Variants in WDPCP observed in about 807,000 individuals in gnomAD.
WDPCP encodes WD repeat-containing and planar cell polarity effector protein fritz homolog.
WDPCP carries 71 observed loss-of-function variants against 93.1 expected under a neutral mutation model. The ratio of observed to expected loss-of-function variants is 0.76; its 90% CI spans 0.63 to 0.93. WDPCP has a LOEUF of 0.93. Among genes scored for constraint, WDPCP ranks in the 40% least tolerant of loss-of-function variants. The pLI is 0.00. For synonymous variants in WDPCP, 315 were observed against 315.0 expected, an observed-to-expected ratio of 1.00 and a Z score of 0.00; for missense variants, 844 against 887.4, an observed-to-expected ratio of 0.95 and a Z score of 0.62.
At chr2:63,687,818 A>C (rs546634434) in intron 2 of WDPCP, among the ~76,000 whole-genome samples, 8 of 152,360 alleles carry the variant, frequency 5.3e-5, no homozygotes, top group African/African-American at 1.9e-4. Context: ...TCTATGATCC[A>C]GCAATCCCAC....
At chr2:63,254,114 G>A (rs1680950884) in intron 14 of WDPCP, among the ~76,000 whole-genome samples, 2 of 152,128 alleles carry the variant, frequency 1.3e-5, no homozygotes, top group Admixed American at 6.5e-5. Context: ...ATTACTGTAA[G>A]TGAATTAACT....
chr2:63,168,507 C>A (rs922058150), intron 15 of WDPCP: 4 of 152,278 alleles, frequency 2.6e-5, no homozygotes, highest in Middle Eastern at 3.4e-3. Flanking sequence ...AGTCCATTTA[C>A]ATCAATTGAT....
At chr2:63,439,984 C>T in intron 6 of WDPCP, 113 bp from the exon 7 acceptor site, 2 of 739,814 alleles carry the variant, frequency 2.7e-6, no homozygotes, top group Non-Finnish European at 2.4e-6. Context: ...CATGCATCTA[C>T]ACTACAAAAT....
At chr2:63,765,924 G>C (rs557866491) in intron 2 of WDPCP, among the ~76,000 whole-genome samples, 20 of 152,328 alleles carry the variant, frequency 1.3e-4, no homozygotes, top group Admixed American at 3.9e-4. Context: ...ACATCTCTCA[G>C]TCACATCAGG....
At chr2:63,349,578 T>G (rs1689436656) in intron 12 of WDPCP, among the ~76,000 whole-genome samples, 1 of 152,150 alleles carries the variant, frequency 6.6e-6, no homozygotes, top group African/African-American at 2.4e-5. Flanking sequence ...ATTAATCAAT[T>G]AATAATGAAT....
intron 2 of WDPCP, among the ~76,000 whole-genome samples, chr2:63,669,113 A>C (rs555929941): frequency 2.0e-5 from 3 of 152,308 alleles, no homozygotes; most frequent in African/African-American, 7.2e-5. Flanking sequence ...TATGAAGTAG[A>C]TAGTGATGTC....
At chr2:63,214,620 C>G (rs1201644435) in intron 14 of WDPCP, among the ~76,000 whole-genome samples, 2 of 152,074 alleles carry the variant, frequency 1.3e-5, no homozygotes, top group Non-Finnish European at 2.9e-5. Context: ...AAGTACTGGC[C>G]AGGGCAGTCA....
At chr2:63,247,823 T>A (rs1019901338) in intron 14 of WDPCP, among the ~76,000 whole-genome samples, 23 of 152,234 alleles carry the variant, frequency 1.5e-4, no homozygotes, top group African/African-American at 5.3e-4. Context: ...TTTTGTTTTT[T>A]ACATATAGGC....
At chr2:63,471,806 A>G (rs1699707932) in intron 6 of WDPCP, among the ~76,000 whole-genome samples, 1 of 152,144 alleles carries the variant, frequency 6.6e-6, no homozygotes, top group African/African-American at 2.4e-5. Flanking sequence ...CTTGATTCCT[A>G]AGAATCTTGT....
intron 12 of WDPCP, among the ~76,000 whole-genome samples, chr2:63,374,285 C>T (rs189266034): frequency 2.0e-5 from 3 of 152,240 alleles, no homozygotes; most frequent in South Asian, 2.1e-4. Flanking sequence ...TCCAGGAGAA[C>T]GTTGAGTTTG....
At chr2:63,493,956 C>T (rs1289747999) in intron 1 of WDPCP, among the ~76,000 whole-genome samples, 2 of 152,110 alleles carry the variant, frequency 1.3e-5, no homozygotes, top group African/African-American at 4.8e-5. Context: ...GCTTCTTTAA[C>T]ATTAGGAGTG....
chr2:63,593,129 T>C (rs1228251949), upstream of WDPCP: 1 of 152,788 alleles, frequency 6.5e-6, no homozygotes, highest in Non-Finnish European at 1.5e-5. Flanking sequence ...AGAAGGAGTT[T>C]CGCTCTTGTT....
chr2:63,264,003 T>A (rs893614669), intron 13 of WDPCP, among the ~76,000 whole-genome samples: 3 of 152,208 alleles, frequency 2.0e-5, no homozygotes, highest in African/African-American at 7.2e-5. Flanking sequence ...CACTTACTTG[T>A]AGAAGTCCTT....
At chr2:63,602,724 G>A (rs932464548) in intron 3 of WDPCP, among the ~76,000 whole-genome samples, 1 of 151,870 alleles carries the variant, frequency 6.6e-6, no homozygotes, top group African/African-American at 2.4e-5. Flanking sequence ...TCATTTTTCT[G>A]CACTCCACCT....
At chr2:63,545,220 A>C (rs1309529167) in intron 1 of WDPCP, among the ~76,000 whole-genome samples, 2 of 151,990 alleles carry the variant, frequency 1.3e-5, no homozygotes, top group Non-Finnish European at 2.9e-5. Flanking sequence ...CCAGTGTTGA[A>C]AGCCAGGAGA....
intron 1 of WDPCP, among the ~76,000 whole-genome samples, chr2:63,819,019 T>C (rs1489998692): frequency 6.6e-6 from 1 of 152,168 alleles, no homozygotes. Context: ...ATATATATAA[T>C]ATACACACAT....
intron 2 of WDPCP, among the ~76,000 whole-genome samples, chr2:63,782,478 T>A (rs1235689328): frequency 6.6e-6 from 1 of 152,082 alleles, no homozygotes; most frequent in Non-Finnish European, 1.5e-5. Flanking sequence ...ACAACTCAAC[T>A]AAAAACTGGG....
the WDPCP span, among the ~76,000 whole-genome samples, chr2:63,833,048 T>C: frequency 6.6e-6 from 1 of 152,188 alleles, no homozygotes; most frequent in South Asian, 2.1e-4. Context: ...AGGTCAGGAG[T>C]TCAGGACCGG....
intron 2 of WDPCP, among the ~76,000 whole-genome samples, chr2:63,666,189 T>C (rs556035764): frequency 6.6e-6 from 1 of 152,334 alleles, no homozygotes; most frequent in East Asian, 1.9e-4. Flanking sequence ...CAGACATTTT[T>C]TCATTCCTTG....
Sources: allele counts gnomAD v4.1 joint callset (sites outside exome capture counted in the v4.1 genomes callset), GRCh38; gene constraint gnomAD v4.1.1; transcripts MANE v1.5; gene names NCBI Gene and HGNC (gene_info 2026-07-23, HGNC 2026-07-21).